The following SYNJ2 variants were observed in gnomAD, a reference collection of about 807,000 sequenced individuals.
SYNJ2 encodes polyphosphatidylinositol phosphatase SYNJ2.
SYNJ2 carries 116 observed loss-of-function variants against 141.3 expected under a neutral mutation model. The observed-to-expected ratio is 0.82, with a 90% CI of 0.71 to 0.96. The LOEUF is 0.96. Ranked by LOEUF, SYNJ2 falls within the 40% of genes least tolerant of loss-of-function variation. The pLI is 0.00. For missense variants in SYNJ2, 1,873 were observed against 1,934.8 expected (o/e 0.97, Z 0.60); for synonymous variants, 745 against 777.7 (o/e 0.96, Z 0.70).
intron 4 of SYNJ2, among the ~76,000 whole-genome samples, chr6:158,037,229 G>A (rs1779683550): frequency 6.6e-6 from 1 of 151,794 alleles, no homozygotes; most frequent in South Asian, 2.1e-4. Flanking sequence ...AGTCCCCCTG[G>A]GGAGAACCCT....
chr6:158,078,217 C>G lies in SYNJ2; in HGVS notation c.2503C>G (p.His835Asp), dbSNP rs765863217. ...SDLDVDTKVR[H>D]TWSPGALQYY... ...TCTAGATGTTGACACCAAAGTCAGA[C>G]ACACCTGGTCTCCTGGTGCCCTGCA... Residue 835 changes from histidine (H) to aspartate (D), a missense_variant, in exon 18 of 27, where the codon CAC becomes GAC. Transcript: ENST00000355585. 3.1e-6 allele frequency: 5 copies of G among 1,613,988 alleles called. No individual in the cohort carries two copies. In the Admixed American group the frequency reaches 5.0e-5, roughly 16 times the overall value.
At chr6:157,984,043 C>T (rs1777109555) in intron 1 of SYNJ2, among the ~76,000 whole-genome samples, 2 of 152,032 alleles carry the variant, frequency 1.3e-5, no homozygotes, top group Admixed American at 1.3e-4. Flanking sequence ...ACTATGTTGC[C>T]CATGCTGTTC....
chr6:158,027,030 C>G lies in SYNJ2; in HGVS notation c.215-1726C>G. ...GGGGAGATGTGATGGGATCAACCCC[C>G]TGCCCTGCTGGCAGCCCCACCCCAT... is the stretch of plus-strand genomic sequence containing the variant. On this transcript the variant is annotated intron_variant, in intron 2 of 26. Coordinates refer to ENST00000355585, the MANE Select transcript of SYNJ2 (RefSeq NM_003898.4). This position sits in a 1 kb window ranked among gnomAD's most constrained non-coding sequence, Gnocchi z 4.6. The G allele has an allele frequency of 3.0e-6, 3 of 985,406 alleles. No homozygotes were observed. Among genetic ancestry groups the G allele is most frequent in the Non-Finnish European group, 3.6e-6 (3 of 829,926 alleles). 61.0% of individuals were successfully genotyped at this position (985,406 alleles called of 1,614,324 possible).
chr6:158,026,613 C>T (rs78127681), intron 2 of SYNJ2, among the ~76,000 whole-genome samples: 45 of 152,180 alleles, frequency 3.0e-4, no homozygotes, highest in Non-Finnish European at 6.3e-4. Flanking sequence ...TCCCCCAGGC[C>T]GTGGTCCTGC....
intron 22 of SYNJ2, among the ~76,000 whole-genome samples, chr6:158,085,601 G>A (rs146199520): frequency 1.7e-3 from 255 of 152,270 alleles, no homozygotes; most frequent in African/African-American, 5.7e-3. Context: ...GGAGAGGTGC[G>A]AAGACCTCCA....
In SYNJ2 at chr6:158,071,555, A is replaced by G. The variant is rs370323175; in HGVS notation, c.1941-47A>G. On this transcript the variant is annotated intron_variant, in intron 14 of 26. Coordinates refer to ENST00000355585, the MANE Select transcript of SYNJ2 (RefSeq NM_003898.4). This position sits in a 1 kb window ranked among gnomAD's most constrained non-coding sequence, Gnocchi z 4.3. ...CTTCTCTGTGGCAAAGCAGGGTCACACTTCTCCTTCAGGAGCCGACGGCAT... is the reference window on the plus strand; with the variant it reads ...CTTCTCTGTGGCAAAGCAGGGTCACGCTTCTCCTTCAGGAGCCGACGGCAT... The G allele has an allele frequency of 4.7e-5, 74 of 1,581,930 alleles. No individual in the cohort carries two copies. In the African/African-American group the frequency reaches 9.6e-4, roughly 20 times the overall value.
intron 5 of SYNJ2, among the ~76,000 whole-genome samples, chr6:158,051,031 A>G (rs1780537108): frequency 6.6e-6 from 1 of 152,012 alleles, no homozygotes; most frequent in Admixed American, 6.6e-5. Flanking sequence ...GAGCCTGGGG[A>G]TTGGAGCCTG....
At chr6:158,094,883 C>T (rs1783703597) in intron 26 of SYNJ2, among the ~76,000 whole-genome samples, 2 of 152,208 alleles carry the variant, frequency 1.3e-5, no homozygotes, top group Non-Finnish European at 2.9e-5. Context: ...CGCGGTGGCT[C>T]ACGCGTGTAA....
At chr6:158,028,528 G>T in intron 2 of SYNJ2, 3 of 585,608 alleles carry the variant, frequency 5.1e-6, no homozygotes. Flanking sequence ...GCTCCCAGGG[G>T]ATGCTGACTT....
intron 21 of SYNJ2, 37 bp downstream of exon 21, chr6:158,083,634 C>T (rs1308561730): frequency 6.2e-7 from 1 of 1,612,094 alleles, no homozygotes; most frequent in Non-Finnish European, 8.5e-7. Context: ...GCAAGCCGTT[C>T]TTCTAGCAAC....
intron 1 of SYNJ2, among the ~76,000 whole-genome samples, chr6:158,008,268 T>C (rs1324253013): frequency 6.6e-6 from 1 of 152,244 alleles, no homozygotes; most frequent in Non-Finnish European, 1.5e-5. Context: ...CCACCACGTC[T>C]GGCCATGGTT....
intron 2 of SYNJ2, chr6:158,017,772 GA>G (rs1778545465): frequency 3.8e-6 from 2 of 532,488 alleles, no homozygotes; most frequent in Admixed American, 1.9e-5. Flanking sequence ...CCTCCTGCAG[GA>G]ACCTGCAGGT....
chr6:157,981,596 G>A (rs1777005732), upstream of SYNJ2, among the ~76,000 whole-genome samples: 1 of 152,076 alleles, frequency 6.6e-6, no homozygotes, highest in Non-Finnish European at 1.5e-5. This position sits in a 1 kb window ranked among gnomAD's most constrained non-coding sequence, Gnocchi z 6.4. Context: ...CCAGGCTCCC[G>A]GGGTCGCCCC....
At position 158,043,454 on chromosome 6, in the gene SYNJ2, C is replaced by A; in HGVS notation, c.795+55C>A. 7.8e-7 allele frequency: 1 copy of A among 1,279,174 alleles called. No homozygotes were observed. Among genetic ancestry groups the A allele is most frequent in the Non-Finnish European group, 1.1e-6 (1 of 887,144 alleles). 79.2% of individuals were successfully genotyped at this position (1,279,174 alleles called of 1,614,324 possible). On this transcript the variant is annotated intron_variant, in intron 5 of 26. Coordinates refer to ENST00000355585, the MANE Select transcript of SYNJ2 (RefSeq NM_003898.4). This position sits in a 1 kb window ranked among gnomAD's most constrained non-coding sequence, Gnocchi z 4.0. ...TTGTGATGTTGTCCGCCCTGCCCTTCCCTTCAATAGCTGGGGAAGATTTCT... is the reference window on the plus strand; with the variant it reads ...TTGTGATGTTGTCCGCCCTGCCCTTACCTTCAATAGCTGGGGAAGATTTCT...
Position 158,071,673 on chromosome 6 carries a change from G to A in SYNJ2, c.2012G>A (p.Arg671His), listed in dbSNP as rs748505774. 17 of 1,613,978 alleles carry A rather than the reference G, an allele frequency of 1.1e-5. No homozygotes were observed. The highest frequency in any genetic ancestry group is 2.7e-5 in the African/African-American group (2 of 74,948). ...GGGAACAAGGGCGCCGTCGGCATCCGCTTCCAGTTCCACAGCACCAGCTTC... is the reference window on the plus strand; with the variant it reads ...GGGAACAAGGGCGCCGTCGGCATCCACTTCCAGTTCCACAGCACCAGCTTC... Reference protein sequence around the residue: ...KAGNKGAVGIRFQFHSTSFCF... With the variant: ...KAGNKGAVGIHFQFHSTSFCF... The change falls in exon 15 of 27, where the codon CGC becomes CAC. Residue 671 changes from arginine (R) to histidine (H), a missense_variant. By Grantham distance (29) the Arg-to-His change is conservative (BLOSUM62 0). Transcript: ENST00000355585. The surrounding 1 kb of genome is among the most constrained non-coding windows in gnomAD (Gnocchi z 4.3).
intron 7 of SYNJ2, among the ~76,000 whole-genome samples, chr6:158,060,257 G>T (rs1781133656): frequency 6.6e-6 from 1 of 152,128 alleles, no homozygotes; most frequent in Non-Finnish European, 1.5e-5. Context: ...GACAGATCCT[G>T]GGCAGGGTCA....
In SYNJ2 at chr6:158,001,499, C is replaced by G. The variant is rs553145219; in HGVS notation, c.128-15705C>G. The G allele has an allele frequency of 2.0e-5, 3 of 150,092 alleles. No individual in the cohort carries two copies. The East Asian group carries it at 6.0e-4, about 30-fold the overall frequency. The allele number at this position is 150,092 out of a possible 1,614,324, so 9.3% of individuals were successfully genotyped here. A position where few individuals can be genotyped will look rare whatever the true frequency, so the allele number is the denominator to read the frequency against. On this transcript the variant is annotated intron_variant, in intron 1 of 26. Coordinates refer to ENST00000355585, the MANE Select transcript of SYNJ2 (RefSeq NM_003898.4). ...GCAACCTCCACCTCCCGGGTTCAAGCGATTTCTCCTGCCTCAGCCTCCCAA... is the reference window on the plus strand; with the variant it reads ...GCAACCTCCACCTCCCGGGTTCAAGGGATTTCTCCTGCCTCAGCCTCCCAA...
intron 16 of SYNJ2, among the ~76,000 whole-genome samples, chr6:158,075,674 G>A (rs1476364943): frequency 6.6e-6 from 1 of 151,958 alleles, no homozygotes; most frequent in Non-Finnish European, 1.5e-5. Flanking sequence ...GGGCAGATAA[G>A]GTCTCTCCTG....
intron 1 of SYNJ2, among the ~76,000 whole-genome samples, chr6:158,015,768 T>TG (rs1554232678): frequency 7.2e-5 from 11 of 152,242 alleles, no homozygotes; most frequent in Non-Finnish European, 1.6e-4. Flanking sequence ...ATTGCTATAC[T>TG]ATAACATTTT....
Sources: allele counts gnomAD v4.1 joint callset (sites outside exome capture counted in the v4.1 genomes callset), GRCh38; gene constraint gnomAD v4.1.1; non-coding constraint Gnocchi (gnomAD v3.1); transcripts MANE v1.5; gene names NCBI Gene and HGNC (gene_info 2026-07-23, HGNC 2026-07-21).